Variants in NSDHL observed in about 807,000 individuals in gnomAD.
The protein encoded by NSDHL is sterol-4-alpha-carboxylate 3-dehydrogenase, decarboxylating.
A neutral mutation model predicts 23.0 loss-of-function variants in NSDHL; 1 was observed. The observed-to-expected ratio is 0.04, with a 90% CI of 0.02 to 0.21. The LOEUF (loss-of-function observed/expected upper bound fraction) is 0.21. Ranked by LOEUF, NSDHL falls within the 10% of genes least tolerant of loss-of-function variation. The pLI is 1.00. For synonymous variants in NSDHL, 128 were observed against 121.1 expected (o/e 1.06, Z -0.37); for missense variants, 237 against 300.9 (o/e 0.79, Z 1.57).
chrX:152,849,704 G>A (rs1341997281), intron 2 of NSDHL, among the ~76,000 whole-genome samples: 2 of 112,808 alleles, frequency 1.8e-5, no homozygotes, highest in East Asian at 5.6e-4. Flanking sequence ...GCTGAGGCAA[G>A]AAGGGGTTGG....
At chrX:152,857,347 A>C (rs1247400117) in intron 3 of NSDHL, among the ~76,000 whole-genome samples, 1 of 112,088 alleles carries the variant, frequency 8.9e-6, no homozygotes, top group Non-Finnish European at 1.9e-5. Context: ...CATCATCACC[A>C]CGTGCTCCAA....
intron 4 of NSDHL, among the ~76,000 whole-genome samples, chrX:152,861,934 T>C (rs1287020178): frequency 8.9e-6 from 1 of 112,407 alleles, no homozygotes; most frequent in Non-Finnish European, 1.9e-5. Flanking sequence ...CAGTTTCTTT[T>C]CAAATCATTA....
rs1417520861 is a variant in NSDHL, at chrX:152,869,692, G to A, written c.*576G>A. On this transcript the variant is annotated 3_prime_UTR_variant, in exon 8 of 8. Coordinates refer to ENST00000370274, the MANE Select transcript of NSDHL (RefSeq NM_015922.3). ...AATTCCTCCCCAGTCTCTGTTGCTT[G>A]TTCAACTCCTTACATGTTCCACATT... 1 of 127,319 alleles carries A rather than the reference G, an allele frequency of 7.9e-6. No individual in the cohort carries two copies. The highest frequency in any genetic ancestry group is 1.6e-5 in the Non-Finnish European group (1 of 61,163). 10.5% of individuals were successfully genotyped at this position (127,319 alleles called of 1,213,427 possible). A position where few individuals can be genotyped will look rare whatever the true frequency, so the allele number is the denominator to read the frequency against.
At chrX:152,852,717 C>T (rs1294433520) in intron 3 of NSDHL, among the ~76,000 whole-genome samples, 1 of 111,246 alleles carries the variant, frequency 9.0e-6, no homozygotes, top group Non-Finnish European at 1.9e-5. Flanking sequence ...CACGTCTCTA[C>T]TCAGCCTCCC....
chrX:152,861,285 TA>T (rs1556847486), intron 4 of NSDHL, among the ~76,000 whole-genome samples: 1 of 113,193 alleles, frequency 8.8e-6, no homozygotes, highest in African/African-American at 3.2e-5. Flanking sequence ...ATTTATTGCA[TA>T]ATCCATCCTT....
chrX:152,853,999 C>T (rs1404306865), intron 3 of NSDHL, among the ~76,000 whole-genome samples: 3 of 112,564 alleles, frequency 2.7e-5, no homozygotes, highest in Non-Finnish European at 5.6e-5. Context: ...TCCTCTCTAC[C>T]ATAGAATGTA....
At chrX:152,855,948 C>A (rs1933438111) in intron 3 of NSDHL, among the ~76,000 whole-genome samples, 1 of 112,524 alleles carries the variant, frequency 8.9e-6, no homozygotes, top group Admixed American at 9.4e-5. Flanking sequence ...AATAAGGAAC[C>A]AAGCAAGATC....
In NSDHL at chrX:152,869,247, C is replaced by T; in HGVS notation, c.*131C>T. 7.1e-6 allele frequency: 4 copies of T among 562,387 alleles called. No homozygotes were observed. Among genetic ancestry groups the T allele is most frequent in the Admixed American group, 5.3e-5 (2 of 37,797 alleles). 46.3% of individuals were successfully genotyped at this position (562,387 alleles called of 1,213,427 possible). ...GACTCCTTCTGCTAGGCAGAGAGCG[C>T]ACCCTACTCTTTCCGTGACGATGAG... On this transcript the variant is annotated 3_prime_UTR_variant, in exon 8 of 8. Coordinates refer to ENST00000370274, the MANE Select transcript of NSDHL (RefSeq NM_015922.3).
chrX:152,838,410 T>G (rs1233858184), intron 1 of NSDHL, among the ~76,000 whole-genome samples: 3 of 112,250 alleles, frequency 2.7e-5, no homozygotes, highest in Non-Finnish European at 5.6e-5. Context: ...ATTTTAGATC[T>G]TTCCTGCTTT....
Position 152,841,139 on chromosome X carries a change from G to T in NSDHL, c.-43-5143G>T, listed in dbSNP as rs782117977. 2.7e-5 allele frequency among the ~76,000 whole-genome samples: 3 copies of T among 113,115 alleles called. No homozygotes were observed. In the East Asian group the frequency reaches 8.4e-4, roughly 32 times the overall value. On this transcript the variant is annotated intron_variant, in intron 1 of 7. Coordinates refer to ENST00000370274, the MANE Select transcript of NSDHL (RefSeq NM_015922.3). ...GGCACAGGAGAGAATCTCCTGGTCT[G>T]CCAGTTGCTAAGACCGTGGGAAAAG...
At chrX:152,845,709 G>A (rs782109042) in intron 1 of NSDHL, among the ~76,000 whole-genome samples, 3 of 111,594 alleles carry the variant, frequency 2.7e-5, no homozygotes, top group South Asian at 7.5e-4. Flanking sequence ...CTTTAACTTA[G>A]CCAAGCAGGA....
At chrX:152,864,177 G>A (rs1933571778) in intron 5 of NSDHL, among the ~76,000 whole-genome samples, 1 of 112,368 alleles carries the variant, frequency 8.9e-6, no homozygotes, top group Non-Finnish European at 1.9e-5. Flanking sequence ...TCAAAGTGCT[G>A]GGATTACAGG....
chrX:152,846,655 C>T (rs1395250550), intron 2 of NSDHL, among the ~76,000 whole-genome samples: 1 of 112,391 alleles, frequency 8.9e-6, no homozygotes, highest in Admixed American at 9.4e-5. Context: ...TTCGGCTGAG[C>T]CCAGCTGGGG....
At chrX:152,864,253 C>T (rs1158794748) in intron 5 of NSDHL, among the ~76,000 whole-genome samples, 1 of 112,334 alleles carries the variant, frequency 8.9e-6, no homozygotes, top group Non-Finnish European at 1.9e-5. Context: ...AGAACTGGTC[C>T]ACAGGGAGAC....
chrX:152,849,317 T>C (rs113492403), intron 2 of NSDHL, among the ~76,000 whole-genome samples: 3,040 of 111,922 alleles, frequency 0.027, 97 homozygotes, highest in African/African-American at 0.093. Flanking sequence ...CTAAGGAAAT[T>C]GGAGGTTGTC....
intron 1 of NSDHL, among the ~76,000 whole-genome samples, chrX:152,842,553 C>T (rs1405954775): frequency 9.0e-6 from 1 of 111,708 alleles, no homozygotes; most frequent in Non-Finnish European, 1.9e-5. Context: ...GGCTGGAGTG[C>T]AATGGCGGCA....
chrX:152,866,764 A>T (rs1395533440), intron 6 of NSDHL, among the ~76,000 whole-genome samples: 1 of 112,530 alleles, frequency 8.9e-6, no homozygotes, highest in African/African-American at 3.2e-5. Flanking sequence ...CCCCAGTATG[A>T]GCTCAGCTTA....
intron 1 of NSDHL, among the ~76,000 whole-genome samples, chrX:152,839,932 A>G (rs1236529972): frequency 8.9e-6 from 1 of 111,993 alleles, no homozygotes; most frequent in Non-Finnish European, 1.9e-5. Flanking sequence ...ACTTTCAGGT[A>G]CTCCAGTCAA....
chrX:152,855,797 T>C (rs1194366738), intron 3 of NSDHL, among the ~76,000 whole-genome samples: 1 of 112,506 alleles, frequency 8.9e-6, no homozygotes, highest in Non-Finnish European at 1.9e-5. Flanking sequence ...CATCATATCA[T>C]TTTATCTGCA....
Sources: allele counts gnomAD v4.1 joint callset (sites outside exome capture counted in the v4.1 genomes callset), GRCh38; gene constraint gnomAD v4.1.1; transcripts MANE v1.5; gene names NCBI Gene and HGNC (gene_info 2026-07-23, HGNC 2026-07-21).